Variants in DPT observed in about 807,000 individuals in gnomAD.
DPT encodes the protein tyrosine-rich acidic matrix protein.
A neutral mutation model predicts 31.2 loss-of-function variants in DPT; 21 were observed. The observed-to-expected ratio is 0.67, with a 90% CI of 0.48 to 0.97. The LOEUF is 0.97. Among genes scored for constraint, DPT ranks in the 50% least tolerant of loss-of-function variants. The probability of loss-of-function intolerance (pLI) is 0.00; values close to 1 mark genes in which losing one functional copy is unlikely to be tolerated. For missense variants in DPT, 262 were observed against 258.8 expected, an observed-to-expected ratio of 1.01 and a Z score of -0.08; for synonymous variants, 91 against 86.9, an observed-to-expected ratio of 1.05 and a Z score of -0.26.
chr1:168,700,967 G>T, intron 3 of DPT, 50 bp downstream of exon 3: 1 of 1,322,334 alleles, frequency 7.6e-7, no homozygotes, highest in Non-Finnish European at 1.1e-6. Context: ...CAGGGAGTTA[G>T]TCCCAACTCC....
At chr1:168,697,792 A>T (rs1649497030) in intron 3 of DPT, among the ~76,000 whole-genome samples, 1 of 152,214 alleles carries the variant, frequency 6.6e-6, no homozygotes, top group South Asian at 2.1e-4. Context: ...CAGAGAAATA[A>T]TTAACTTGCT....
Position 168,703,118 on chromosome 1 carries a change from T to G in DPT, c.432-1994A>C, listed in dbSNP as rs191914055. On this transcript the variant is annotated intron_variant, in intron 2 of 3. Transcript: ENST00000367817. Reference sequence around the variant, plus strand: ...TCCTTACTTCAGGGAACAAAAAATATTTTCTAAAACTTTTGAAGCATCTCT... The same window carrying G: ...TCCTTACTTCAGGGAACAAAAAATAGTTTCTAAAACTTTTGAAGCATCTCT... 1.2e-3 allele frequency among the ~76,000 whole-genome samples: 185 copies of G among 152,268 alleles called. 2 individuals carry two copies. The highest frequency in any genetic ancestry group is 4.3e-3 in the African/African-American group (178 of 41,554).
At chr1:168,704,623 T>G (rs945403042) in intron 2 of DPT, among the ~76,000 whole-genome samples, 2 of 152,216 alleles carry the variant, frequency 1.3e-5, no homozygotes, top group African/African-American at 4.8e-5. Flanking sequence ...ATGCGCACTT[T>G]CAGATGAATG....
intron 2 of DPT, 80 bp downstream of exon 2, chr1:168,714,141 G>T (rs201784250): frequency 9.4e-6 from 15 of 1,593,056 alleles, no homozygotes; most frequent in Non-Finnish European, 1.7e-6. Context: ...TGACCCTCAA[G>T]CTTACCTGAA....
chr1:168,720,842 T>C (rs1182361940), intron 1 of DPT, among the ~76,000 whole-genome samples: 1 of 152,268 alleles, frequency 6.6e-6, no homozygotes, highest in Non-Finnish European at 1.5e-5. Flanking sequence ...TTGTTAATTC[T>C]ATTTTCCCCA....
chr1:168,701,210 T>C (rs1467086752), intron 2 of DPT, 86 bp from the exon 3 acceptor site: 1 of 1,068,878 alleles, frequency 9.4e-7, no homozygotes. Context: ...GAAGAAGAGA[T>C]GGAGTTTGAG....
At position 168,695,497 on chromosome 1, in the gene DPT, G is replaced by GT. The variant is rs1205149731; in HGVS notation, c.*1051dup. 6.6e-6 allele frequency: 1 copy of GT among 152,182 alleles called. No homozygotes were observed. The highest frequency in any genetic ancestry group is 6.5e-5 in the Admixed American group (1 of 15,268). 9.4% of individuals were successfully genotyped at this position (152,182 alleles called of 1,614,324 possible). ...GAACGTTAATATTTTTATTTCTTTTGTAATGAAGAGTACAAATGGTTGGGA... is the reference window on the plus strand; with the variant it reads ...GAACGTTAATATTTTTATTTCTTTTGTTAATGAAGAGTACAAATGGTTGGGA... On this transcript the variant is annotated 3_prime_UTR_variant, in exon 4 of 4. Transcript: ENST00000367817.
intron 1 of DPT, among the ~76,000 whole-genome samples, chr1:168,723,035 C>A (rs1229596957): frequency 1.3e-5 from 2 of 152,210 alleles, no homozygotes; most frequent in African/African-American, 2.4e-5. Context: ...CAAGTTCCCC[C>A]AGACAATTGA....
At position 168,701,639 on chromosome 1, in the gene DPT, C is replaced by A. The variant is rs145534597; in HGVS notation, c.432-515G>T. Among the ~76,000 whole-genome samples the A allele has an allele frequency of 1.6e-4, 25 of 152,116 alleles. 1 individual carries two copies. In the East Asian group the frequency reaches 4.8e-3, roughly 29 times the overall value. On this transcript the variant is annotated intron_variant, in intron 2 of 3. Coordinates refer to ENST00000367817, the MANE Select transcript of DPT (RefSeq NM_001937.5). ...GTTTGTTTATAAGATGTACATATTG[C>A]GATAGTTTAATGTTTCTTATTGTGA...
intron 1 of DPT, among the ~76,000 whole-genome samples, chr1:168,727,975 C>T (rs1446611901): frequency 6.6e-6 from 1 of 152,126 alleles, no homozygotes; most frequent in African/African-American, 2.4e-5. Context: ...TCCGTTCTCT[C>T]CTCCAAGCCT....
chr1:168,711,014 T>C (rs1021124567), intron 2 of DPT, among the ~76,000 whole-genome samples: 2 of 151,272 alleles, frequency 1.3e-5, no homozygotes, highest in Non-Finnish European at 2.9e-5. Context: ...TTTTTTCTTC[T>C]TCTTCTTTTT....
At chr1:168,726,826 T>C (rs931152210) in intron 1 of DPT, among the ~76,000 whole-genome samples, 1 of 152,262 alleles carries the variant, frequency 6.6e-6, no homozygotes, top group South Asian at 2.1e-4. Context: ...GAGCCTGGTC[T>C]CTGAATCAGC....
At chr1:168,706,866 A>T (rs373485964) in intron 2 of DPT, among the ~76,000 whole-genome samples, 17 of 152,294 alleles carry the variant, frequency 1.1e-4, no homozygotes, top group East Asian at 3.9e-4. Flanking sequence ...AAGCACATTC[A>T]CTTTGACTCG....
chr1:168,703,221 A>T (rs554854013), intron 2 of DPT, among the ~76,000 whole-genome samples: 95 of 152,380 alleles, frequency 6.2e-4, no homozygotes, highest in African/African-American at 1.9e-3. Flanking sequence ...ACATACAGCA[A>T]CACTGCATTA....
chr1:168,714,969 C>G (rs1023460339), intron 1 of DPT, among the ~76,000 whole-genome samples: 1 of 151,400 alleles, frequency 6.6e-6, no homozygotes, highest in African/African-American at 2.4e-5. Flanking sequence ...CCCACAAGAC[C>G]ATAAGCTCTA....
At chr1:168,709,922 A>C (rs889372590) in intron 2 of DPT, among the ~76,000 whole-genome samples, 1 of 152,238 alleles carries the variant, frequency 6.6e-6, no homozygotes, top group Non-Finnish European at 1.5e-5. Flanking sequence ...AGTCTTTGTC[A>C]ACTATAAAAC....
At chr1:168,712,411 G>A (rs1649886840) in intron 2 of DPT, among the ~76,000 whole-genome samples, 1 of 152,186 alleles carries the variant, frequency 6.6e-6, no homozygotes, top group African/African-American at 2.4e-5. Context: ...GTGTTCCTTT[G>A]GAGTCTGATT....
intron 1 of DPT, among the ~76,000 whole-genome samples, chr1:168,723,330 G>T (rs1189908521): frequency 2.0e-5 from 3 of 152,208 alleles, no homozygotes; most frequent in African/African-American, 7.2e-5. Context: ...GAAACACCTG[G>T]ATTCCAATAC....
intron 3 of DPT, among the ~76,000 whole-genome samples, chr1:168,699,992 C>T (rs1160295581): frequency 6.6e-6 from 1 of 152,100 alleles, no homozygotes; most frequent in Non-Finnish European, 1.5e-5. Flanking sequence ...TATCTTTAGG[C>T]CATTTAAATT....
Sources: allele counts gnomAD v4.1 joint callset (sites outside exome capture counted in the v4.1 genomes callset), GRCh38; gene constraint gnomAD v4.1.1; transcripts MANE v1.5; gene names NCBI Gene and HGNC (gene_info 2026-07-23, HGNC 2026-07-21).